The following NOLC1 variants were observed in gnomAD, a reference collection of about 807,000 sequenced individuals.
The protein encoded by NOLC1 is 140 kDa nucleolar phosphoprotein.
In NOLC1, 37 loss-of-function variants were observed where a neutral mutation model predicts 73.4. The ratio of observed to expected loss-of-function variants is 0.50; its 90% confidence interval spans 0.39 to 0.66. The LOEUF (loss-of-function observed/expected upper bound fraction) is 0.66. Ranked by LOEUF, NOLC1 falls within the 30% of genes least tolerant of loss-of-function variation. The pLI is 0.00. For synonymous variants in NOLC1, 327 were observed against 302.6 expected, an observed-to-expected ratio of 1.08 and a Z score of -0.84; for missense variants, 921 against 838.9, an observed-to-expected ratio of 1.10 and a Z score of -1.21.
At chr10:102,154,797 G>T (rs2069563179) in intron 1 of NOLC1, among the ~76,000 whole-genome samples, 1 of 152,110 alleles carries the variant, frequency 6.6e-6, no homozygotes, top group Non-Finnish European at 1.5e-5. Flanking sequence ...AAAGTGTTGG[G>T]ATTACAGGCC....
At chr10:102,158,263 G>A in intron 5 of NOLC1, 49 bp downstream of exon 5, 1 of 1,555,440 alleles carries the variant, frequency 6.4e-7, no homozygotes, top group Non-Finnish European at 8.7e-7. Context: ...GATTGCTCTG[G>A]GGACTGGAGT....
chr10:102,160,716 T>C lies in NOLC1; in HGVS notation c.1364T>C (p.Leu455Pro), dbSNP rs200099530. The C allele has an allele frequency of 1.8e-5, 29 of 1,614,108 alleles. No homozygotes were observed. The Admixed American group carries it at 3.2e-4, about 18-fold the overall frequency. ...CCCAAGGCGACTGCCAAAGCAGCTCTATCTCTGCCTGCCAAGCAGGCTCCT... is the reference window on the plus strand; with the variant it reads ...CCCAAGGCGACTGCCAAAGCAGCTCCATCTCTGCCTGCCAAGCAGGCTCCT... ...TKPKATAKAA[L>P]SLPAKQAPQG... Residue 455 changes from leucine (L) to proline (P), a missense_variant, in exon 10 of 13, where the codon CTA becomes CCA. Transcript: ENST00000605788.
intron 2 of NOLC1, 42 bp downstream of exon 2, chr10:102,157,116 G>T: frequency 1.2e-6 from 2 of 1,614,032 alleles, no homozygotes; most frequent in Non-Finnish European, 1.7e-6. Context: ...TCTCCCCCAA[G>T]ATAGGCTGGG....
At chr10:102,153,962 C>T (rs1014716098) in intron 1 of NOLC1, among the ~76,000 whole-genome samples, 1 of 151,984 alleles carries the variant, frequency 6.6e-6, no homozygotes, top group African/African-American at 2.4e-5. Flanking sequence ...CGCGAGCCAC[C>T]GTGCCCGGCC....
intron 8 of NOLC1, 78 bp from the exon 9 acceptor site, chr10:102,160,153 CGT>C: frequency 6.3e-7 from 1 of 1,575,956 alleles, no homozygotes; most frequent in Non-Finnish European, 8.7e-7. Flanking sequence ...AGGCTCTGTG[CGT>C]GTCTTTGCAT....
Position 102,163,514 on chromosome 10 carries a change from GAT to G in NOLC1, c.*1247_*1248del, listed in dbSNP as rs959545560. Reference sequence around the variant, plus strand: ...GTAACAACACAAACCAGTGACCAGAGATAACAGCTTTTAGGCCAAGCTGGCCT... The same window carrying G: ...GTAACAACACAAACCAGTGACCAGAGAACAGCTTTTAGGCCAAGCTGGCCT... On this transcript the variant is annotated 3_prime_UTR_variant, in exon 13 of 13. Transcript: ENST00000605788. The G allele has an allele frequency of 6.6e-6, 1 of 152,218 alleles. No homozygotes were observed. Among genetic ancestry groups the G allele is most frequent in the Admixed American group, 6.5e-5 (1 of 15,282 alleles). 9.4% of individuals were successfully genotyped at this position (152,218 alleles called of 1,614,324 possible).
At chr10:102,159,065 CAAAAAAA>C (rs35183508) in intron 5 of NOLC1, 121 bp from the exon 6 acceptor site, 1,844 of 357,058 alleles carry the variant, frequency 5.2e-3, no homozygotes, top group African/African-American at 6.5e-3. Flanking sequence ...ACTCCGTCTC[CAAAAAAA>C]AAAAAAAAAA....
rs778744872 is a variant in NOLC1, at chr10:102,159,430, C to A, written c.724-3C>A. On this transcript the variant is annotated splice_polypyrimidine_tract_variant and splice_region_variant and intron_variant, in intron 6 of 12. Transcript: ENST00000605788. ...GTGGTAATCAATTTTCTTTCTAATG[C>A]AGACTGTACCTAAAAAGCAAGTTGT... The A allele has an allele frequency of 6.2e-7, 1 of 1,613,840 alleles. No individual in the cohort carries two copies. The highest frequency in any genetic ancestry group is 1.3e-5 in the African/African-American group (1 of 74,888).
intron 1 of NOLC1, among the ~76,000 whole-genome samples, chr10:102,154,274 G>A (rs1370514057): frequency 3.5e-5 from 5 of 144,874 alleles, no homozygotes; most frequent in African/African-American, 5.1e-5. Context: ...TAGTAGAGAC[G>A]GGGTTTCACC....
intron 1 of NOLC1, 82 bp from the exon 2 acceptor site, chr10:102,156,937 A>G (rs1306812583): frequency 7.8e-7 from 1 of 1,276,720 alleles, no homozygotes; most frequent in South Asian, 1.2e-5. Flanking sequence ...AAATTTAGTA[A>G]TTATGTATGT....
rs2069750574 is a variant in NOLC1, at chr10:102,163,781, T to C, written c.*1512T>C. 6.6e-6 allele frequency: 1 copy of C among 152,234 alleles called. No homozygotes were observed. Among genetic ancestry groups the C allele is most frequent in the South Asian group, 2.1e-4 (1 of 4,832 alleles). The allele number at this position is 152,234 out of a possible 1,614,324, so 9.4% of individuals were successfully genotyped here. On this transcript the variant is annotated 3_prime_UTR_variant, in exon 13 of 13. Coordinates refer to ENST00000605788, the MANE Select transcript of NOLC1 (RefSeq NM_004741.5). ...TGTAACTGCCTCTAGGAAGAAAATG[T>C]ACTGTTCATGCTGACACAGATATTT...
At position 102,162,306 on chromosome 10, in the gene NOLC1, G is replaced by A. The variant is rs1049466; in HGVS notation, c.*37G>A. 2.1e-5 allele frequency: 34 copies of A among 1,603,128 alleles called. No individual in the cohort carries two copies. The highest frequency in any genetic ancestry group is 2.6e-5 in the Non-Finnish European group (30 of 1,173,490). The stretch of plus-strand genomic sequence containing the variant: ...CTTCGGTGAAGCAAGGGTGATGATC[G>A]GAGACTACTTACTTTCTCCAGTGGA... On this transcript the variant is annotated 3_prime_UTR_variant, in exon 13 of 13. Coordinates refer to ENST00000605788, the MANE Select transcript of NOLC1 (RefSeq NM_004741.5).
chr10:102,159,994 G>A lies in NOLC1; in HGVS notation c.958G>A (p.Glu320Lys). The A allele has an allele frequency of 6.2e-7, 1 of 1,612,788 alleles. No homozygotes were observed. The highest frequency in any genetic ancestry group is 8.5e-7 in the Non-Finnish European group (1 of 1,179,360). The change falls in exon 8 of 13, where the codon GAA becomes AAA. Residue 320 changes from glutamate (E) to lysine (K), a missense_variant. Glu to Lys is a moderately conservative substitution (Grantham distance 56). Transcript: ENST00000605788. ...GGCTGTGGAGAAGCAGCAGCCTGTG[G>A]AAAGCAGTGAAGACAGCAGTGATGA... Reference protein sequence around the residue: ...KKAVEKQQPVESSEDSSDESD... With the variant: ...KKAVEKQQPVKSSEDSSDESD...
chr10:102,152,585 C>A, intron 1 of NOLC1, 55 bp downstream of exon 1: 1 of 1,607,608 alleles, frequency 6.2e-7, no homozygotes. Flanking sequence ...AGGCTTCAGG[C>A]CCTGACGTGC....
At chr10:102,162,076 C>T (rs903602247) in intron 12 of NOLC1, 35 bp from the exon 13 acceptor site, 9 of 1,610,194 alleles carry the variant, frequency 5.6e-6, no homozygotes, top group Middle Eastern at 1.9e-4. Flanking sequence ...CCAGCATGGT[C>T]CTCCTCTGTG....
rs758364975 is a variant in NOLC1, at chr10:102,158,122, A to C, written c.515A>C (p.Asp172Ala). The change falls in exon 5 of 13, where the codon GAC (aspartate) becomes GCC (alanine). Residue 172 changes from aspartate (D) to alanine (A), a missense_variant. Transcript: ENST00000605788. Reference protein sequence around the residue: ...KKAKSSDSDSDSSSEDEPPKN... With the variant: ...KKAKSSDSDSASSSEDEPPKN... ...GCCAAGAGCTCTGATTCTGATTCTG[A>C]CTCAAGCTCCGAGGATGAGCCACCA... 3 of 1,614,058 alleles carry C rather than the reference A, an allele frequency of 1.9e-6. No individual in the cohort carries two copies. The highest frequency in any genetic ancestry group is 2.5e-6 in the Non-Finnish European group (3 of 1,179,978).
intron 3 of NOLC1, 36 bp downstream of exon 3, chr10:102,157,364 G>A: frequency 1.2e-6 from 2 of 1,613,328 alleles, no homozygotes; most frequent in East Asian, 2.2e-5. Flanking sequence ...GGTGGTGCCA[G>A]GAAAAGAATT....
chr10:102,161,990 G>GTCCTT (rs1399009478), intron 12 of NOLC1, 65 bp downstream of exon 12: 1 of 1,600,878 alleles, frequency 6.2e-7, no homozygotes, highest in Non-Finnish European at 8.6e-7. Flanking sequence ...GACAATTCTT[G>GTCCTT]GTTCAGGTTG....
intron 11 of NOLC1, 47 bp from the exon 12 acceptor site, chr10:102,161,786 G>A: frequency 6.3e-7 from 1 of 1,584,030 alleles, no homozygotes; most frequent in Non-Finnish European, 8.7e-7. Context: ...CAGGAGAACT[G>A]TTACATGACC....
Sources: gnomAD v4.1 joint callset for allele counts (sites outside exome capture counted in the v4.1 genomes callset) on GRCh38, gnomAD v4.1.1 for gene constraint, MANE v1.5 for transcripts, NCBI Gene and HGNC (gene_info 2026-07-23, HGNC 2026-07-21) for gene names.